The following DDR2 variants were observed in gnomAD, a reference collection of about 807,000 sequenced individuals.
DDR2 encodes discoidin domain-containing receptor 2.
A neutral mutation model predicts 94.9 loss-of-function variants in DDR2; 27 were observed. That is an observed-to-expected ratio of 0.28 (90% CI 0.21 to 0.39). The LOEUF (loss-of-function observed/expected upper bound fraction) is 0.39, where lower values mean the gene tolerates loss of function less well. DDR2 is among the 10% of genes least tolerant of loss of function. DDR2 has a pLI of 1.00. For missense variants in DDR2, 783 were observed against 1,076.0 expected (o/e 0.73, Z 3.81); for synonymous variants, 382 against 377.2 (o/e 1.01, Z -0.15).
chr1:162,697,142 T>G (rs1660230939), intron 2 of DDR2, among the ~76,000 whole-genome samples: 2 of 152,074 alleles, frequency 1.3e-5, no homozygotes, highest in Admixed American at 6.6e-5. Context: ...TTTAAACAAC[T>G]TTTTCTCTGT....
rs772392868 is a variant in DDR2, at chr1:162,760,030, G to A, written c.855+51G>A. ...CTTCTTTAAGGAGGCACAAATCATA[G>A]TGTGGTAGAGAAAAGGCATGCTAGA... On this transcript the variant is annotated intron_variant, in intron 8 of 17. Transcript: ENST00000367921. 2.5e-6 allele frequency: 4 copies of A among 1,612,950 alleles called. No individual in the cohort carries two copies. In the South Asian group the frequency reaches 3.3e-5, roughly 13 times the overall value.
rs745618882 is a variant in DDR2, at chr1:162,759,885, A to C, written c.761A>C (p.Tyr254Ser). The C allele has an allele frequency of 5.6e-6, 9 of 1,614,160 alleles. No homozygotes were observed. Among genetic ancestry groups the C allele is most frequent in the Non-Finnish European group, 6.8e-6 (8 of 1,180,014 alleles). Residue 254 changes from tyrosine to serine, a missense_variant, in exon 8 of 18, where the codon TAT becomes TCT. Physicochemically the swap from Tyr to Ser is moderately radical, Grantham distance 144 (BLOSUM62 -2). This residue lies in a region of DDR2 where 519 missense variants were observed against 647.9 expected (regional missense o/e 0.80). Transcript: ENST00000367921. ...QTHEYHVWPG[Y>S]DYVGWRNESA... ...CATGAATACCACGTGTGGCCCGGCT[A>C]TGACTATGTGGGCTGGCGGAACGAG...
chr1:162,726,868 A>C (rs968882390), intron 3 of DDR2, among the ~76,000 whole-genome samples: 1 of 152,092 alleles, frequency 6.6e-6, no homozygotes, highest in Non-Finnish European at 1.5e-5. Flanking sequence ...CTGCTGCTTC[A>C]CATATTTGCT....
chr1:162,762,927 C>T (rs1171854157), intron 9 of DDR2, among the ~76,000 whole-genome samples: 1 of 152,172 alleles, frequency 6.6e-6, no homozygotes, highest in Non-Finnish European at 1.5e-5. Flanking sequence ...ACCCCCGCCT[C>T]CCGGGATCGA....
intron 10 of DDR2, among the ~76,000 whole-genome samples, chr1:162,766,416 A>G (rs1663990952): frequency 6.6e-6 from 1 of 152,220 alleles, no homozygotes; most frequent in Admixed American, 6.5e-5. Context: ...AAATGCTGAT[A>G]TCTCCAATTG....
At chr1:162,749,263 A>T (rs899374315) in intron 3 of DDR2, among the ~76,000 whole-genome samples, 4 of 152,240 alleles carry the variant, frequency 2.6e-5, no homozygotes, top group African/African-American at 9.6e-5. Context: ...CGCTAGCAAG[A>T]CTAACAAAGA....
At chr1:162,662,936 G>A (rs1439448920) in intron 2 of DDR2, among the ~76,000 whole-genome samples, 1 of 152,100 alleles carries the variant, frequency 6.6e-6, no homozygotes, top group African/African-American at 2.4e-5. Context: ...TTGGGTGTGT[G>A]GGGTTGACAC....
chr1:162,652,190 C>T (rs975380420), intron 1 of DDR2, among the ~76,000 whole-genome samples: 4 of 152,174 alleles, frequency 2.6e-5, no homozygotes, highest in African/African-American at 4.8e-5. Context: ...GGTGCTGGTT[C>T]TACTCTTGGA....
chr1:162,646,005 C>T (rs984963644), intron 1 of DDR2, among the ~76,000 whole-genome samples: 2 of 152,176 alleles, frequency 1.3e-5, no homozygotes, highest in African/African-American at 4.8e-5. Flanking sequence ...GTGAAGATGG[C>T]ATCGAATCCT....
At chr1:162,730,056 T>TTTG (rs1661951881) in intron 3 of DDR2, among the ~76,000 whole-genome samples, 5 of 136,706 alleles carry the variant, frequency 3.7e-5, no homozygotes, top group Non-Finnish European at 4.7e-5. Context: ...TTTTTTTTTT[T>TTTG]GCAAAAAAAA....
At chr1:162,702,234 T>C (rs1437672203) in intron 2 of DDR2, among the ~76,000 whole-genome samples, 1 of 152,218 alleles carries the variant, frequency 6.6e-6, no homozygotes, top group Non-Finnish European at 1.5e-5. Flanking sequence ...TTGCAATTAT[T>C]GTCACTCTGT....
chr1:162,719,936 C>A lies in DDR2; in HGVS notation c.82+791C>A, dbSNP rs1661345057. 4.6e-5 allele frequency among the ~76,000 whole-genome samples: 7 copies of A among 152,186 alleles called. 2 individuals are homozygous for A. The South Asian group carries it at 1.5e-3, about 32-fold the overall frequency. ...TGCTGTGTTCTGTTTCATCCTCCTG[C>A]AGACTAACCTGGGTATGTTTTCCTG... On this transcript the variant is annotated intron_variant, in intron 3 of 17. Transcript: ENST00000367921.
chr1:162,637,832 G>A (rs189266448), intron 1 of DDR2, among the ~76,000 whole-genome samples: 2 of 152,070 alleles, frequency 1.3e-5, no homozygotes, highest in Non-Finnish European at 2.9e-5. Context: ...AGTAAAAGAC[G>A]CAATTCTTGT....
intron 2 of DDR2, among the ~76,000 whole-genome samples, chr1:162,698,696 A>C (rs1332855603): frequency 6.6e-6 from 1 of 152,254 alleles, no homozygotes; most frequent in Non-Finnish European, 1.5e-5. Flanking sequence ...TGCATCAGGA[A>C]TGTTTCTACC....
In DDR2 at chr1:162,776,143, A is replaced by T. The variant is rs2102198105; in HGVS notation, c.2056A>T (p.Asn686Tyr). Residue 686 changes from asparagine (N) to tyrosine (Y), a missense_variant, in exon 16 of 18, where the codon AAT (asparagine) becomes TAT (tyrosine). By Grantham distance (143) the Asn-to-Tyr change is moderately radical (BLOSUM62 -2). Transcript: ENST00000367921. ...TCTTGTCTATTTCCTCAGTTACACC[A>T]ATCTGAAGTTTATGGCTACCCAAAT... ...SSDVRTVSYT[N>Y]LKFMATQIAS... 1 of 1,613,378 alleles carries T rather than the reference A, an allele frequency of 6.2e-7. No individual in the cohort carries two copies. The highest frequency in any genetic ancestry group is 1.1e-5 in the South Asian group (1 of 91,048).
intron 2 of DDR2, among the ~76,000 whole-genome samples, chr1:162,687,789 C>T (rs1462184945): frequency 6.6e-6 from 1 of 152,140 alleles, no homozygotes; most frequent in East Asian, 1.9e-4. Flanking sequence ...AGTACTGGCC[C>T]TAGTGCAGTT....
intron 3 of DDR2, among the ~76,000 whole-genome samples, chr1:162,743,119 A>G (rs545426007): frequency 3.3e-5 from 5 of 152,226 alleles, no homozygotes; most frequent in Non-Finnish European, 7.4e-5. Context: ...CTTCCTGCAT[A>G]TGATTCTGGT....
At chr1:162,674,316 C>T (rs574353178) in intron 2 of DDR2, among the ~76,000 whole-genome samples, 2 of 152,248 alleles carry the variant, frequency 1.3e-5, no homozygotes, top group South Asian at 4.1e-4. Flanking sequence ...AGGCTGCAAT[C>T]CCAATGCAGA....
chr1:162,669,071 C>G (rs1276400867), intron 2 of DDR2, among the ~76,000 whole-genome samples: 1 of 152,156 alleles, frequency 6.6e-6, no homozygotes, highest in Admixed American at 6.5e-5. Flanking sequence ...ATATTATAAC[C>G]TTTGCTCATG....
Sources: gnomAD v4.1 joint callset for allele counts (sites outside exome capture counted in the v4.1 genomes callset) on GRCh38, gnomAD v4.1.1 for gene constraint, gnomAD v4.1.1 regional missense constraint, MANE v1.5 for transcripts, NCBI Gene and HGNC (gene_info 2026-07-23, HGNC 2026-07-21) for gene names.